The following IQGAP1 variants were observed in gnomAD, a reference collection of about 807,000 sequenced individuals.
The protein encoded by IQGAP1 is IQ motif containing GTPase activating protein 1.
A neutral mutation model predicts 215.6 loss-of-function variants in IQGAP1; 66 were observed. The observed-to-expected ratio is 0.31, with a 90% CI of 0.25 to 0.38. IQGAP1 has a LOEUF of 0.38. Ranked by LOEUF, IQGAP1 falls within the 10% of genes least tolerant of loss-of-function variation. The probability of loss-of-function intolerance (pLI) is 1.00; values close to 1 mark genes in which losing one functional copy is unlikely to be tolerated. For missense variants in IQGAP1, 1,712 were observed against 1,997.1 expected (o/e 0.86, Z 2.72); for synonymous variants, 772 against 728.7 (o/e 1.06, Z -0.96).
At chr15:90,437,637 C>T (rs1018536775) in intron 5 of IQGAP1, among the ~76,000 whole-genome samples, 2 of 152,158 alleles carry the variant, frequency 1.3e-5, no homozygotes, top group Non-Finnish European at 2.9e-5. Context: ...CTCCCAGGCA[C>T]AAGCTATCCT....
chr15:90,422,628 A>G lies in IQGAP1; in HGVS notation c.156-3482A>G, dbSNP rs113657211. 1.2e-3 allele frequency among the ~76,000 whole-genome samples: 56 copies of G among 45,580 alleles called. 2 individuals are homozygous for G. The highest frequency in any genetic ancestry group is 8.1e-3 in the East Asian group (13 of 1,608). 29.9% of individuals were successfully genotyped at this position (45,580 alleles called of 152,430 possible). The stretch of plus-strand genomic sequence containing the variant: ...CTCATTCATATATATATATATATGT[A>G]TATATATATATGTATATGTATATAT... On this transcript the variant is annotated intron_variant, in intron 2 of 37. Transcript: ENST00000268182.
At chr15:90,489,203 A>C (rs2238330) in intron 33 of IQGAP1, among the ~76,000 whole-genome samples, 1 of 149,620 alleles carries the variant, frequency 6.7e-6, no homozygotes, top group Non-Finnish European at 1.5e-5. Flanking sequence ...ATCTTGGCTC[A>C]CTGCAACCTC....
chr15:90,464,945 G>A lies in IQGAP1; in HGVS notation c.1777-1056G>A, dbSNP rs1271895377. Among the ~76,000 whole-genome samples, 4 of 152,166 alleles carry A rather than the reference G, an allele frequency of 2.6e-5. No homozygotes were observed. The East Asian group carries it at 5.8e-4, about 22-fold the overall frequency. On this transcript the variant is annotated intron_variant, in intron 15 of 37. Transcript: ENST00000268182. ...ATTCAGAGCAAATGGTCACCAATAA[G>A]CGCCTTTAAAAAAGAAACTTGTCTT...
At position 90,473,981 on chromosome 15, in the gene IQGAP1, G is replaced by T. The variant is rs775690286; in HGVS notation, c.2505+14G>T. Reference sequence around the variant, plus strand: ...TTCCGGGACCATGTAAGCACCCTTGGATCATACAGGCCATTAGGGGCAATT... The same window carrying T: ...TTCCGGGACCATGTAAGCACCCTTGTATCATACAGGCCATTAGGGGCAATT... On this transcript the variant is annotated intron_variant, in intron 21 of 37. Coordinates refer to ENST00000268182, the MANE Select transcript of IQGAP1 (RefSeq NM_003870.4). 3 of 1,613,670 alleles carry T rather than the reference G, an allele frequency of 1.9e-6. No homozygotes were observed. The highest frequency in any genetic ancestry group is 2.5e-6 in the Non-Finnish European group (3 of 1,179,676).
chr15:90,400,407 C>A (rs1292362537), intron 2 of IQGAP1, among the ~76,000 whole-genome samples: 1 of 151,968 alleles, frequency 6.6e-6, no homozygotes, highest in African/African-American at 2.4e-5. Context: ...ATTCCTTTTC[C>A]GTCTCCATTC....
intron 36 of IQGAP1, chr15:90,496,913 T>C (rs1966281786): frequency 5.5e-6 from 1 of 181,774 alleles, no homozygotes; most frequent in East Asian, 1.4e-4. Flanking sequence ...GGTTTCCTTT[T>C]TGGCCATGTG....
At chr15:90,422,652 A>G (rs1004969796) in intron 2 of IQGAP1, among the ~76,000 whole-genome samples, 15 of 66,076 alleles carry the variant, frequency 2.3e-4, no homozygotes, top group African/African-American at 3.6e-4. Context: ...ATATGTATAT[A>G]TATATATGTA....
chr15:90,396,961 T>A (rs1208115699), intron 2 of IQGAP1, among the ~76,000 whole-genome samples: 1 of 152,054 alleles, frequency 6.6e-6, no homozygotes, highest in Non-Finnish European at 1.5e-5. Flanking sequence ...CAAACGATTC[T>A]CCTTCCTCAC....
At chr15:90,407,597 A>G (rs1964897779) in intron 2 of IQGAP1, among the ~76,000 whole-genome samples, 1 of 152,356 alleles carries the variant, frequency 6.6e-6, no homozygotes, top group Middle Eastern at 3.4e-3. Flanking sequence ...TAACAGTTTA[A>G]TGGAAGATTG....
chr15:90,491,723 T>A, intron 34 of IQGAP1, 178 bp downstream of exon 34: 3 of 593,094 alleles, frequency 5.1e-6, no homozygotes, highest in Non-Finnish European at 9.0e-6. Context: ...AGGTGGCTTA[T>A]TCCATGGCCT....
chr15:90,457,558 C>T (rs1469744554), intron 15 of IQGAP1, among the ~76,000 whole-genome samples: 2 of 151,144 alleles, frequency 1.3e-5, no homozygotes, highest in East Asian at 1.9e-4. Context: ...TCCCCAGTAC[C>T]TAGGATTACA....
intron 15 of IQGAP1, among the ~76,000 whole-genome samples, chr15:90,456,670 G>A (rs1567132609): frequency 6.7e-6 from 1 of 150,068 alleles, no homozygotes; most frequent in East Asian, 2.0e-4. Context: ...GAGGCCAGGA[G>A]TTCAAGACCA....
At position 90,422,326 on chromosome 15, in the gene IQGAP1, G is replaced by A. The variant is rs1042855683; in HGVS notation, c.156-3784G>A. On this transcript the variant is annotated intron_variant, in intron 2 of 37. Coordinates refer to ENST00000268182, the MANE Select transcript of IQGAP1 (RefSeq NM_003870.4). ...TTATTAGCCTCTGAGCAGGCTTGTGGCCAGTTAGATTCTTTTTCAATGTTT... is the reference window on the plus strand; with the variant it reads ...TTATTAGCCTCTGAGCAGGCTTGTGACCAGTTAGATTCTTTTTCAATGTTT... 5.0e-4 allele frequency among the ~76,000 whole-genome samples: 76 copies of A among 152,146 alleles called. 1 individual carries two copies. Among genetic ancestry groups the A allele is most frequent in the Middle Eastern group, 3.4e-3 (1 of 292 alleles).
chr15:90,401,008 T>G (rs1273678030), intron 2 of IQGAP1, among the ~76,000 whole-genome samples: 2 of 152,194 alleles, frequency 1.3e-5, no homozygotes, highest in Non-Finnish European at 2.9e-5. Context: ...AAAGCGCTGG[T>G]AGGCAAAGTG....
chr15:90,426,122 A>G lies in IQGAP1; in HGVS notation c.168A>G (p.Ala56=). 5 of 1,606,126 alleles carry G rather than the reference A, an allele frequency of 3.1e-6. No individual in the cohort carries two copies. The highest frequency in any genetic ancestry group is 4.2e-6 in the Non-Finnish European group (5 of 1,176,826). ...HLEEAKRWME[A]CLGEDLPPTT... is the part of the protein sequence containing the mutation. ...TCCTTTGGTGCAGGTGGATGGAAGC[A>G]TGCCTAGGGGAAGATCTGCCTCCCA... Residue 56 remains alanine (A), a synonymous_variant, in exon 3 of 38, where the codon GCA becomes GCG. Transcript: ENST00000268182.
At chr15:90,450,969 G>C (rs1965596693) in intron 11 of IQGAP1, among the ~76,000 whole-genome samples, 1 of 152,000 alleles carries the variant, frequency 6.6e-6, no homozygotes, top group Non-Finnish European at 1.5e-5. Flanking sequence ...TTTTTAGCTT[G>C]ACATAGTCCT....
intron 5 of IQGAP1, among the ~76,000 whole-genome samples, chr15:90,437,214 G>A (rs1567125927): frequency 6.6e-6 from 1 of 152,142 alleles, no homozygotes; most frequent in African/African-American, 2.4e-5. Context: ...CAAATCTAGC[G>A]ATAACTCACT....
chr15:90,488,400 TTGTTGTA>T (rs1966159649), intron 33 of IQGAP1, among the ~76,000 whole-genome samples: 1 of 145,308 alleles, frequency 6.9e-6, no homozygotes, highest in South Asian at 2.1e-4. Context: ...TTATTTTGTA[TTGTTGTA>T]TTTTTTTTTC....
intron 2 of IQGAP1, among the ~76,000 whole-genome samples, chr15:90,410,229 A>G (rs1027500123): frequency 1.3e-5 from 2 of 152,180 alleles, no homozygotes; most frequent in East Asian, 1.9e-4. Flanking sequence ...GCCCATGCCT[A>G]TGTCCTGAAT....
Sources: gnomAD v4.1 joint callset for allele counts (sites outside exome capture counted in the v4.1 genomes callset) on GRCh38, gnomAD v4.1.1 for gene constraint, MANE v1.5 for transcripts, NCBI Gene and HGNC (gene_info 2026-07-23, HGNC 2026-07-21) for gene names.